Variants in MED24 observed in about 807,000 individuals in gnomAD.
MED24 encodes mediator complex subunit 24, also known as mediator of RNA polymerase II transcription subunit 24.
MED24 carries 74 observed loss-of-function variants against 118.8 expected under a neutral mutation model. The observed-to-expected ratio is 0.62, with a 90% CI of 0.52 to 0.76. The LOEUF (loss-of-function observed/expected upper bound fraction) is 0.76, where lower values mean the gene tolerates loss of function less well. Among genes scored for constraint, MED24 ranks in the 30% least tolerant of loss-of-function variants. The pLI, the probability that MED24 is intolerant of heterozygous loss-of-function variation, is 0.00. For missense variants in MED24, 1,041 were observed against 1,278.9 expected (o/e 0.81, Z 2.84); for synonymous variants, 521 against 523.9 (o/e 0.99, Z 0.08).
At chr17:40,032,972 C>A in intron 8 of MED24, 84 bp downstream of exon 8, 1 of 1,561,450 alleles carries the variant, frequency 6.4e-7, no homozygotes, top group Non-Finnish European at 8.7e-7. Flanking sequence ...CCACTTCTCC[C>A]AGGGAGAACC....
intron 3 of MED24, among the ~76,000 whole-genome samples, chr17:40,038,381 G>C (rs756093118): frequency 1.2e-4 from 19 of 152,052 alleles, no homozygotes; most frequent in Non-Finnish European, 2.4e-4. Flanking sequence ...TAGTTCAGCT[G>C]TCTCTGCTGG....
At position 40,035,711 on chromosome 17, in the gene MED24, C is replaced by G. The variant is rs371821549; in HGVS notation, c.326+11G>C. On this transcript the variant is annotated intron_variant, in intron 5 of 25. Transcript: ENST00000394128. ...ACATTGTATTGTGAGCCCCCTTACC[C>G]CTGCCCTTACCTCAGACGGTCACAA... 1.2e-6 allele frequency: 2 copies of G among 1,612,850 alleles called. No homozygotes were observed. The highest frequency in any genetic ancestry group is 1.7e-5 in the Admixed American group (1 of 59,994).
At position 40,031,366 on chromosome 17, in the gene MED24, A is replaced by G. The variant is rs551753657; in HGVS notation, c.1068-121T>C. On this transcript the variant is annotated intron_variant, in intron 11 of 25. Coordinates refer to ENST00000394128, the MANE Select transcript of MED24 (RefSeq NM_014815.4). The stretch of plus-strand genomic sequence containing the variant: ...GGATGAGGAAAATCTGGAGTGCCTG[A>G]GGGACGGTAGAGGGGCTCTGGGGAC... 2.3e-5 allele frequency: 28 copies of G among 1,238,858 alleles called. No homozygotes were observed. The South Asian group carries it at 3.2e-4, about 14-fold the overall frequency. 76.7% of individuals were successfully genotyped at this position (1,238,858 alleles called of 1,614,324 possible).
intron 19 of MED24, among the ~76,000 whole-genome samples, chr17:40,025,150 G>C (rs1373006728): frequency 6.6e-6 from 1 of 152,194 alleles, no homozygotes; most frequent in African/African-American, 2.4e-5. Context: ...GAAAAGGCAA[G>C]GACTGTATGA....
At chr17:40,052,532 T>C (rs1224516758) in intron 3 of MED24, among the ~76,000 whole-genome samples, 1 of 152,208 alleles carries the variant, frequency 6.6e-6, no homozygotes, top group Non-Finnish European at 1.5e-5. Flanking sequence ...CTAAGCACTG[T>C]CTGGCACATA....
At chr17:40,040,487 G>A (rs1259885714) in intron 3 of MED24, among the ~76,000 whole-genome samples, 1 of 152,070 alleles carries the variant, frequency 6.6e-6, no homozygotes, top group South Asian at 2.1e-4. Flanking sequence ...CAAATTCCTG[G>A]GATTACAGGT....
rs544996648 is a variant in MED24, at chr17:40,020,281, C to T, written c.2696G>A (p.Arg899Gln). Reference protein sequence around the residue: ...HTVNMRDPLNRVLANLFLLIS... With the variant: ...HTVNMRDPLNQVLANLFLLIS... ...AGGGGTGGGGAACTCACCCAGGACT[C>T]GGTTCAGAGGGTCCCGCATGTTGAC... Residue 899 changes from arginine to glutamine, a missense_variant, in exon 24 of 26, where the codon CGA (arginine) becomes CAA (glutamine). This residue lies in a region of MED24 where 587 missense variants were observed against 694.4 expected (regional missense o/e 0.85). Transcript: ENST00000394128. 6.5e-6 allele frequency: 10 copies of T among 1,543,640 alleles called. No homozygotes were observed. Among genetic ancestry groups the T allele is most frequent in the Admixed American group, 3.9e-5 (2 of 50,642 alleles).
intron 3 of MED24, among the ~76,000 whole-genome samples, chr17:40,036,368 A>G (rs1226104496): frequency 6.6e-6 from 1 of 152,150 alleles, no homozygotes; most frequent in Non-Finnish European, 1.5e-5. Context: ...TAAGCCCATC[A>G]AGAAGATGAT....
At position 40,019,698 on chromosome 17, in the gene MED24, G is replaced by A. The variant is rs902863918; in HGVS notation, c.2854-53C>T. The A allele has an allele frequency of 2.3e-5, 37 of 1,584,392 alleles. No individual in the cohort carries two copies. The African/African-American group carries it at 4.0e-4, about 17-fold the overall frequency. ...CGGGACGGCTGGTGGTGGGTGTGCT[G>A]TCCCAGGGGGAAGGAGGCCCCTCCC... is the stretch of plus-strand genomic sequence containing the variant. On this transcript the variant is annotated intron_variant, in intron 25 of 25. Transcript: ENST00000394128.
In MED24 at chr17:40,023,305, C is replaced by T. The variant is rs1280547094; in HGVS notation, c.2076G>A (p.Val692=). 7.4e-6 allele frequency: 12 copies of T among 1,613,960 alleles called. No individual in the cohort carries two copies. The highest frequency in any genetic ancestry group is 6.7e-5 in the African/African-American group (5 of 74,910). Residue 692 remains valine (V), a synonymous_variant, in exon 20 of 26, where the codon GTG becomes GTA. Transcript: ENST00000394128. ...ATQIKFPSTG[V]DTMPYWNLLP... ...GCAGGTTCCAGTAGGGCATTGTGTCCACCCCGGTGGAGGGAAACTTGATCT... is the reference window on the plus strand; with the variant it reads ...GCAGGTTCCAGTAGGGCATTGTGTCTACCCCGGTGGAGGGAAACTTGATCT...
chr17:40,020,101 GGGGGA>G, intron 24 of MED24, 167 bp downstream of exon 24: 1 of 810,288 alleles, frequency 1.2e-6, no homozygotes, highest in Non-Finnish European at 2.0e-6. Flanking sequence ...GAGGGGAGGA[GGGGGA>G]ACTAGACAGG....
rs963969896 is a variant in MED24 at position 40,033,911 on chromosome 17, C to G, written c.560-455G>C. On this transcript the variant is annotated intron_variant, in intron 6 of 25. Coordinates refer to ENST00000394128, the MANE Select transcript of MED24 (RefSeq NM_014815.4). This position sits in a 1 kb window ranked among gnomAD's most constrained non-coding sequence, Gnocchi z 5.2. Reference sequence around the variant, plus strand: ...ATTCTCAACCACTCCCTCATCTAGGCATTGCGTTTGCTGCCCTCCCCTGCT... The same window carrying G: ...ATTCTCAACCACTCCCTCATCTAGGGATTGCGTTTGCTGCCCTCCCCTGCT... 4 of 368,248 alleles carry G rather than the reference C, an allele frequency of 1.1e-5. No homozygotes were observed. The highest frequency in any genetic ancestry group is 5.4e-6 in the Non-Finnish European group (1 of 185,410). The allele number at this position is 368,248 out of a possible 1,614,324, so 22.8% of individuals were successfully genotyped here.
At chr17:40,049,747 G>C (rs1985617140) in intron 3 of MED24, among the ~76,000 whole-genome samples, 1 of 151,568 alleles carries the variant, frequency 6.6e-6, no homozygotes, top group African/African-American at 2.4e-5. Flanking sequence ...GGAGGGTCTC[G>C]ATCGCCTGAC....
At chr17:40,043,403 C>T (rs1984762766) in intron 3 of MED24, among the ~76,000 whole-genome samples, 1 of 152,174 alleles carries the variant, frequency 6.6e-6, no homozygotes, top group Non-Finnish European at 1.5e-5. Context: ...GACCTGGAGA[C>T]AGCAGATGAC....
At position 40,026,227 on chromosome 17, in the gene MED24, C is replaced by G; in HGVS notation, c.1914G>C (p.Lys638Asn). Residue 638 changes from lysine (K) to asparagine (N), a missense_variant, in exon 19 of 26, where the codon AAG becomes AAC. Physicochemically the swap from Lys to Asn is moderately conservative, Grantham distance 94. This residue lies in a region of MED24 where 587 missense variants were observed against 694.4 expected (regional missense o/e 0.85). Coordinates refer to ENST00000394128, the MANE Select transcript of MED24 (RefSeq NM_014815.4). Reference sequence around the variant, plus strand: ...CCAGCTGGCGGATCATCTGCAGCGACTTCTCACGCTCATCCAGCCCCAGCA... The same window carrying G: ...CCAGCTGGCGGATCATCTGCAGCGAGTTCTCACGCTCATCCAGCCCCAGCA... ...VRMLGLDERE[K>N]SLQMIRQLAG... 6.2e-7 allele frequency: 1 copy of G among 1,614,224 alleles called. No homozygotes were observed. The highest frequency in any genetic ancestry group is 8.5e-7 in the Non-Finnish European group (1 of 1,180,052).
Position 40,032,761 on chromosome 17 carries a change from T to G in MED24, c.824A>C (p.His275Pro), listed in dbSNP as rs1321064458. The stretch of plus-strand genomic sequence containing the variant: ...CAGGACAAAAAGTGGGGTGGGGATA[T>G]GCTGTGGGAAGAGCCAAGGATGAGG... ...EQLTMVKRMQ[H>P]IPTPLFVLEI... Residue 275 changes from histidine to proline, a missense_variant and splice_region_variant, in exon 9 of 26, where the codon CAT becomes CCT. Transcript: ENST00000394128. 1.2e-6 allele frequency: 2 copies of G among 1,612,828 alleles called. No individual in the cohort carries two copies.
rs149168120 is a variant in MED24 at position 40,033,589 on chromosome 17, G to A, written c.560-133C>T. On this transcript the variant is annotated intron_variant, in intron 6 of 25. Coordinates refer to ENST00000394128, the MANE Select transcript of MED24 (RefSeq NM_014815.4). This position sits in a 1 kb window ranked among gnomAD's most constrained non-coding sequence, Gnocchi z 5.2. Reference sequence around the variant, plus strand: ...AGGAAGGCTTCCCCTGAGGACAACAGGGAGGGAGGGGCCTGAGGGCAGCAT... The same window carrying A: ...AGGAAGGCTTCCCCTGAGGACAACAAGGAGGGAGGGGCCTGAGGGCAGCAT... The A allele has an allele frequency of 5.3e-6, 4 of 757,040 alleles. No individual in the cohort carries two copies. The East Asian group carries it at 1.1e-4, about 20-fold the overall frequency. 46.9% of individuals were successfully genotyped at this position (757,040 alleles called of 1,614,324 possible).
chr17:40,043,227 C>T (rs1041264306), intron 3 of MED24, among the ~76,000 whole-genome samples: 2 of 152,210 alleles, frequency 1.3e-5, no homozygotes, highest in African/African-American at 4.8e-5. Context: ...GGAGCCACCA[C>T]ACCCGGCCTG....
In MED24 at chr17:40,028,617, A is replaced by G. The variant is rs533505369; in HGVS notation, c.1409+209T>C. ...CCTTACCCTCATCTCTTTACCAAACATGTCCACTCCATCCTCAGCTGAAGA... is the reference window on the plus strand; with the variant it reads ...CCTTACCCTCATCTCTTTACCAAACGTGTCCACTCCATCCTCAGCTGAAGA... On this transcript the variant is annotated intron_variant, in intron 14 of 25. Transcript: ENST00000394128. Among the ~76,000 whole-genome samples the G allele has an allele frequency of 3.9e-5, 6 of 152,220 alleles. 1 individual carries two copies. The highest frequency in any genetic ancestry group is 1.4e-4 in the African/African-American group (6 of 41,518).
Sources: gnomAD v4.1 joint callset for allele counts (sites outside exome capture counted in the v4.1 genomes callset) on GRCh38, gnomAD v4.1.1 for gene constraint, gnomAD v4.1.1 regional missense constraint, Gnocchi (gnomAD v3.1) non-coding constraint, MANE v1.5 for transcripts, NCBI Gene and HGNC (gene_info 2026-07-23, HGNC 2026-07-21) for gene names.